PHF24: variants seen among roughly 807,000 people sequenced by gnomAD.
PHF24 encodes Galpha inhibitory interacting protein.
In PHF24, 25 loss-of-function variants were observed where a neutral mutation model predicts 42.6. The observed-to-expected ratio is 0.59, with a 90% confidence interval of 0.43 to 0.82. The LOEUF is 0.82. Ranked by LOEUF, PHF24 falls within the 40% of genes least tolerant of loss-of-function variation. PHF24 has a pLI of 0.00. For missense variants in PHF24, 470 were observed against 538.1 expected, an observed-to-expected ratio of 0.87 and a Z score of 1.25; for synonymous variants, 185 against 204.8, an observed-to-expected ratio of 0.90 and a Z score of 0.83.
At chr9:34,897,104 C>T in the PHF24 span, among the ~76,000 whole-genome samples, 19 of 151,712 alleles carry the variant, frequency 1.3e-4, no homozygotes, top group South Asian at 4.2e-4. Context: ...TGCAGTGAGC[C>T]GAGATCACAC....
the PHF24 span, among the ~76,000 whole-genome samples, chr9:34,849,423 C>T: frequency 2.0e-5 from 3 of 151,720 alleles, no homozygotes; most frequent in Non-Finnish European, 4.4e-5. Context: ...AGGATTGCAA[C>T]CCCTGCCTTT....
At chr9:34,682,284 T>G in the PHF24 span, among the ~76,000 whole-genome samples, 6 of 151,510 alleles carry the variant, frequency 4.0e-5, no homozygotes, top group African/African-American at 1.5e-4. Context: ...CTGGCCCATC[T>G]TGGCACTTTT....
the PHF24 span, among the ~76,000 whole-genome samples, chr9:34,772,151 A>C: frequency 3.0e-4 from 45 of 152,210 alleles, no homozygotes; most frequent in Non-Finnish European, 6.5e-4. Context: ...AGTTATAATG[A>C]ATTAAATTAA....
the PHF24 span, among the ~76,000 whole-genome samples, chr9:34,714,803 A>G: frequency 6.6e-6 from 1 of 152,144 alleles, no homozygotes; most frequent in African/African-American, 2.4e-5. Flanking sequence ...AGGGGGCTGT[A>G]CCTTTTTCTT....
At chr9:34,871,873 C>A in the PHF24 span, among the ~76,000 whole-genome samples, 1 of 152,268 alleles carries the variant, frequency 6.6e-6, no homozygotes, top group Admixed American at 6.5e-5. Flanking sequence ...TAGTCTTTTA[C>A]CTCTCCATCT....
At chr9:34,819,253 A>C in the PHF24 span, among the ~76,000 whole-genome samples, 1 of 151,758 alleles carries the variant, frequency 6.6e-6, no homozygotes, top group Non-Finnish European at 1.5e-5. Flanking sequence ...TTAAGATTCT[A>C]TATTGTTTTT....
chr9:34,780,493 C>A, the PHF24 span, among the ~76,000 whole-genome samples: 5 of 151,918 alleles, frequency 3.3e-5, no homozygotes, highest in African/African-American at 1.2e-4. Context: ...CCATGTTGCC[C>A]AGGCTGGTTT....
the PHF24 span, among the ~76,000 whole-genome samples, chr9:34,881,302 A>G: frequency 7.1e-3 from 1,087 of 152,286 alleles, 15 homozygotes; most frequent in African/African-American, 0.025. Flanking sequence ...TAAAAGAACT[A>G]GAGAAGCAAG....
At chr9:34,922,710 C>G in the PHF24 span, 2 of 1,538,364 alleles carry the variant, frequency 1.3e-6, no homozygotes, top group Non-Finnish European at 1.8e-6. Flanking sequence ...TTTCTCAGCA[C>G]CTTCTGTCTT....
chr9:34,812,538 A>G, the PHF24 span, among the ~76,000 whole-genome samples: 3 of 152,182 alleles, frequency 2.0e-5, no homozygotes, highest in Non-Finnish European at 4.4e-5. Flanking sequence ...ATCTATATTT[A>G]TTGTATTGGT....
chr9:34,881,980 C>A, the PHF24 span, among the ~76,000 whole-genome samples: 1 of 152,096 alleles, frequency 6.6e-6, no homozygotes, highest in African/African-American at 2.4e-5. Context: ...ACTGGCAAAC[C>A]AAATCCAGCA....
At chr9:34,763,930 G>A in the PHF24 span, among the ~76,000 whole-genome samples, 11 of 152,184 alleles carry the variant, frequency 7.2e-5, no homozygotes, top group Admixed American at 1.3e-4. Context: ...TTTGTCAAAG[G>A]CCTTTTCTGC....
chr9:34,907,702 C>T, the PHF24 span, among the ~76,000 whole-genome samples: 1 of 152,132 alleles, frequency 6.6e-6, no homozygotes, highest in Non-Finnish European at 1.5e-5. Flanking sequence ...TTTCATTGGT[C>T]CAGTCTTTCA....
At chr9:34,834,540 C>T in the PHF24 span, 107 of 1,551,352 alleles carry the variant, frequency 6.9e-5, no homozygotes, top group Middle Eastern at 1.3e-3. Flanking sequence ...AGCTTCCGGG[C>T]ATGCTCCGGG....
chr9:34,814,706 AG>A, the PHF24 span, among the ~76,000 whole-genome samples: 1 of 152,182 alleles, frequency 6.6e-6, no homozygotes, highest in African/African-American at 2.4e-5. Flanking sequence ...GTAGTAGGAT[AG>A]TTTGTTAACT....
the PHF24 span, among the ~76,000 whole-genome samples, chr9:34,823,163 T>C: frequency 1.5e-4 from 19 of 122,774 alleles, no homozygotes; most frequent in Non-Finnish European, 4.7e-5. Context: ...GCCACTGCAG[T>C]CCGCAGTCCG....
the PHF24 span, among the ~76,000 whole-genome samples, chr9:34,915,407 C>CTT: frequency 9.1e-4 from 132 of 145,062 alleles, no homozygotes; most frequent in Admixed American, 7.8e-3. Context: ...GCAGGTTGGC[C>CTT]TTTTTTTTTT....
At chr9:34,727,889 C>T in the PHF24 span, 4 of 784,730 alleles carry the variant, frequency 5.1e-6, 1 homozygote, top group South Asian at 5.7e-5. Flanking sequence ...CCCTCTCACC[C>T]AGTGTCCCTG....
the PHF24 span, chr9:34,835,486 A>G: frequency 1.3e-6 from 2 of 1,551,944 alleles, no homozygotes; most frequent in Non-Finnish European, 1.7e-6. Flanking sequence ...AGGCCATCGG[A>G]TGCATCCGGT....
Sources: gnomAD v4.1 joint callset for allele counts (sites outside exome capture counted in the v4.1 genomes callset) on GRCh38, gnomAD v4.1.1 for gene constraint, MANE v1.5 for transcripts, NCBI Gene and HGNC (gene_info 2026-07-23, HGNC 2026-07-21) for gene names.